RALGAPA2: variants seen among roughly 807,000 people sequenced by gnomAD.
RALGAPA2 encodes the protein Ral GTPase activating protein catalytic subunit alpha 2.
Under a neutral mutation model 230.4 loss-of-function variants are expected in RALGAPA2, and 139 were observed. That is an observed-to-expected ratio of 0.60 (90% CI 0.53 to 0.69). RALGAPA2 has a LOEUF of 0.69. RALGAPA2 is among the 30% of genes least tolerant of loss of function. The pLI is 0.00. For missense variants in RALGAPA2, 2,163 were observed against 2,276.0 expected (o/e 0.95, Z 1.01); for synonymous variants, 847 against 837.8 (o/e 1.01, Z -0.19).
At chr20:20,407,097 G>A (rs1005205909) in intron 38 of RALGAPA2, among the ~76,000 whole-genome samples, 2 of 152,086 alleles carry the variant, frequency 1.3e-5, no homozygotes, top group South Asian at 4.1e-4. Context: ...CATGACCTTC[G>A]GTGGTCCCTT....
intron 37 of RALGAPA2, among the ~76,000 whole-genome samples, chr20:20,458,885 C>T (rs969788163): frequency 5.1e-5 from 4 of 77,788 alleles, no homozygotes; most frequent in Non-Finnish European, 7.3e-5. Context: ...TACACACACA[C>T]AAATAAATAA....
intron 13 of RALGAPA2, among the ~76,000 whole-genome samples, chr20:20,613,531 T>C (rs1274856363): frequency 6.6e-6 from 1 of 152,200 alleles, no homozygotes; most frequent in Non-Finnish European, 1.5e-5. Context: ...TGTCACAATC[T>C]TGCAGGCACA....
In RALGAPA2 at chr20:20,635,595, C is replaced by T. The variant is rs760691562; in HGVS notation, c.828G>A (p.Lys276=). 1 of 1,560,308 alleles carries T rather than the reference C, an allele frequency of 6.4e-7. No homozygotes were observed. The highest frequency in any genetic ancestry group is 2.2e-5 in the Admixed American group (1 of 45,484). The change falls in exon 9 of 40, where the codon AAG becomes AAA. Residue 276 remains lysine, a synonymous_variant. Coordinates refer to ENST00000202677, the MANE Select transcript of RALGAPA2 (RefSeq NM_020343.4). ...CTCGAGTGGTAGTAATGTACACAGG[C>T]TTTGGTCTCAAATGGGGGATGTCTG... is the stretch of plus-strand genomic sequence containing the variant. ...PVLDIPHLRP[K]PVYITTTRDN...
At chr20:20,604,550 T>C (rs2065758932) in intron 15 of RALGAPA2, among the ~76,000 whole-genome samples, 1 of 152,226 alleles carries the variant, frequency 6.6e-6, no homozygotes, top group Non-Finnish European at 1.5e-5. Context: ...TATGTGGCCT[T>C]GGATGAGTCA....
intron 35 of RALGAPA2, among the ~76,000 whole-genome samples, chr20:20,498,718 G>A (rs1438318365): frequency 6.6e-6 from 1 of 152,192 alleles, no homozygotes; most frequent in Non-Finnish European, 1.5e-5. Flanking sequence ...AGCGCTGCCT[G>A]GAGACTGATA....
chr20:20,624,402 T>C (rs2066426196), intron 10 of RALGAPA2, among the ~76,000 whole-genome samples: 1 of 150,014 alleles, frequency 6.7e-6, no homozygotes, highest in African/African-American at 2.5e-5. Context: ...GGCATAAGCG[T>C]TCCAGGACAT....
intron 23 of RALGAPA2, among the ~76,000 whole-genome samples, chr20:20,554,496 T>C (rs1568572642): frequency 6.6e-6 from 1 of 152,222 alleles, no homozygotes; most frequent in Non-Finnish European, 1.5e-5. Flanking sequence ...ATGCTGAGTA[T>C]CTTTTCATGT....
At chr20:20,665,075 C>T (rs1172684395) in intron 3 of RALGAPA2, among the ~76,000 whole-genome samples, 1 of 152,086 alleles carries the variant, frequency 6.6e-6, no homozygotes, top group Non-Finnish European at 1.5e-5. Context: ...CAACTCTCTC[C>T]TAAAGGTATA....
chr20:20,424,340 C>T (rs560457370), intron 37 of RALGAPA2, among the ~76,000 whole-genome samples: 1 of 152,288 alleles, frequency 6.6e-6, no homozygotes, highest in East Asian at 1.9e-4. Context: ...ATTCGTCATT[C>T]AGCCTATTTC....
intron 27 of RALGAPA2, among the ~76,000 whole-genome samples, chr20:20,529,935 C>G (rs1017568026): frequency 1.3e-5 from 2 of 152,098 alleles, no homozygotes; most frequent in African/African-American, 2.4e-5. Context: ...TAACTATATA[C>G]ATCTAGATTT....
In RALGAPA2 at chr20:20,635,600, G is replaced by A; in HGVS notation, c.823C>T (p.Pro275Ser). 6.4e-7 allele frequency: 1 copy of A among 1,552,380 alleles called. No homozygotes were observed. Among genetic ancestry groups the A allele is most frequent in the Non-Finnish European group, 8.6e-7 (1 of 1,156,776 alleles). The change falls in exon 9 of 40, where the codon CCA (proline) becomes TCA (serine). Residue 275 changes from proline to serine, a missense_variant. Transcript: ENST00000202677. ...KPVLDIPHLRPKPVYITTTRD... is the reference protein window; with the variant it reads ...KPVLDIPHLRSKPVYITTTRD... ...GTGGTAGTAATGTACACAGGCTTTG[G>A]TCTCAAATGGGGGATGTCTGGTAGA...
chr20:20,456,960 C>T (rs1292217665), intron 37 of RALGAPA2, among the ~76,000 whole-genome samples: 1 of 152,190 alleles, frequency 6.6e-6, no homozygotes, highest in Non-Finnish European at 1.5e-5. Flanking sequence ...CTTGCAACAC[C>T]ATGTCCAGCT....
intron 30 of RALGAPA2, among the ~76,000 whole-genome samples, chr20:20,522,146 C>G (rs1280281314): frequency 6.6e-6 from 1 of 151,564 alleles, no homozygotes; most frequent in Non-Finnish European, 1.5e-5. Context: ...ACTAGCACAA[C>G]TACTTTGGAA....
At chr20:20,515,828 C>A (rs1685082097) in intron 31 of RALGAPA2, among the ~76,000 whole-genome samples, 1 of 151,380 alleles carries the variant, frequency 6.6e-6, no homozygotes, top group Non-Finnish European at 1.5e-5. Flanking sequence ...ACTCCTTTGA[C>A]CAGAACCAAT....
At chr20:20,433,121 C>T (rs1169673286) in intron 37 of RALGAPA2, among the ~76,000 whole-genome samples, 1 of 152,222 alleles carries the variant, frequency 6.6e-6, no homozygotes, top group Non-Finnish European at 1.5e-5. Flanking sequence ...TTTGTCTCTC[C>T]ATTCAGACAT....
At chr20:20,685,342 A>G in intron 1 of RALGAPA2, among the ~76,000 whole-genome samples, 1 of 152,246 alleles carries the variant, frequency 6.6e-6, no homozygotes, top group East Asian at 1.9e-4. Context: ...GCTGGACACC[A>G]AAACAGGGAG....
chr20:20,552,382 T>C (rs1050063983), intron 23 of RALGAPA2, among the ~76,000 whole-genome samples: 7 of 152,026 alleles, frequency 4.6e-5, no homozygotes, highest in African/African-American at 1.7e-4. Flanking sequence ...ATATGAAAAA[T>C]CACTCAATTC....
chr20:20,539,044 A>G (rs2063570708), intron 24 of RALGAPA2, among the ~76,000 whole-genome samples: 1 of 152,214 alleles, frequency 6.6e-6, no homozygotes, highest in African/African-American at 2.4e-5. Flanking sequence ...TTCATTGTAT[A>G]TAATAATCCA....
At chr20:20,466,654 A>G (rs2061427569) in intron 37 of RALGAPA2, among the ~76,000 whole-genome samples, 1 of 152,196 alleles carries the variant, frequency 6.6e-6, no homozygotes, top group Admixed American at 6.5e-5. Context: ...CACAGGCCGT[A>G]GTTCCTGTGA....
Sources: gnomAD v4.1 joint callset for allele counts (sites outside exome capture counted in the v4.1 genomes callset) on GRCh38, gnomAD v4.1.1 for gene constraint, MANE v1.5 for transcripts, NCBI Gene and HGNC (gene_info 2026-07-23, HGNC 2026-07-21) for gene names.